Variants in ARHGEF7 observed in about 807,000 individuals in gnomAD.
ARHGEF7 encodes the protein Rho guanine nucleotide exchange factor 7.
In ARHGEF7, 33 loss-of-function variants were observed where a neutral mutation model predicts 109.8. The observed-to-expected ratio is 0.30, with a 90% CI of 0.23 to 0.40. The LOEUF (loss-of-function observed/expected upper bound fraction) is 0.40. Among genes scored for constraint, ARHGEF7 ranks in the 10% least tolerant of loss-of-function variants. The probability of loss-of-function intolerance (pLI) is 1.00; values close to 1 mark genes in which losing one functional copy is unlikely to be tolerated. For synonymous variants in ARHGEF7, 458 were observed against 424.6 expected, an observed-to-expected ratio of 1.08 and a Z score of -0.97; for missense variants, 938 against 1,098.5, an observed-to-expected ratio of 0.85 and a Z score of 2.07.
intron 6 of ARHGEF7, among the ~76,000 whole-genome samples, chr13:111,238,990 C>T (rs577245035): frequency 3.9e-5 from 6 of 152,214 alleles, no homozygotes; most frequent in South Asian, 2.1e-4. Flanking sequence ...ACAGTCATGG[C>T]GGAAGGCACC....
At chr13:111,161,513 C>G (rs1037816842) in intron 2 of ARHGEF7, among the ~76,000 whole-genome samples, 13 of 152,184 alleles carry the variant, frequency 8.5e-5, no homozygotes, top group African/African-American at 3.1e-4. Context: ...ACTCTTAGAA[C>G]AGTGCCTGGT....
At chr13:111,301,335 AGTT>A in intron 20 of ARHGEF7, 140 bp from the exon 21 acceptor site, 1 of 646,424 alleles carries the variant, frequency 1.5e-6, no homozygotes, top group Non-Finnish European at 2.7e-6. Context: ...GGCAGTTTTT[AGTT>A]GTGAATGTAG....
intron 2 of ARHGEF7, among the ~76,000 whole-genome samples, chr13:111,161,811 A>G (rs2076764781): frequency 1.3e-5 from 2 of 152,200 alleles, no homozygotes; most frequent in East Asian, 1.9e-4. Context: ...AGATACATGT[A>G]ATGTTTTATA....
intron 1 of ARHGEF7, among the ~76,000 whole-genome samples, chr13:111,152,990 C>A (rs2075975189): frequency 6.6e-6 from 1 of 152,194 alleles, no homozygotes; most frequent in South Asian, 2.1e-4. Flanking sequence ...TCCTCCACTG[C>A]GGTGGATCCA....
chr13:111,132,903 G>C (rs1430756311), intron 1 of ARHGEF7, among the ~76,000 whole-genome samples: 1 of 151,378 alleles, frequency 6.6e-6, no homozygotes, highest in Non-Finnish European at 1.5e-5. Flanking sequence ...AAGGGAGAAT[G>C]ATATACACAC....
intron 8 of ARHGEF7, among the ~76,000 whole-genome samples, chr13:111,245,189 T>C (rs1219307867): frequency 6.6e-6 from 1 of 152,134 alleles, no homozygotes; most frequent in East Asian, 1.9e-4. Flanking sequence ...ACTTCTCAGA[T>C]GTAATGGTTT....
chr13:111,264,350 T>A (rs80246003), intron 8 of ARHGEF7, among the ~76,000 whole-genome samples: 6,063 of 152,282 alleles, frequency 0.04, 376 homozygotes, highest in African/African-American at 0.13. Context: ...TTAATTTTTT[T>A]AAAAAATTTA....
chr13:111,126,408 T>G (rs2067562156), intron 1 of ARHGEF7, among the ~76,000 whole-genome samples: 1 of 150,898 alleles, frequency 6.6e-6, no homozygotes, highest in Admixed American at 6.6e-5. Flanking sequence ...GAGAATCACC[T>G]GAATCCGAGA....
chr13:111,257,375 A>G (rs1023601845), intron 8 of ARHGEF7, among the ~76,000 whole-genome samples: 5 of 152,266 alleles, frequency 3.3e-5, no homozygotes, highest in Non-Finnish European at 4.4e-5. Context: ...GTTGACTTGT[A>G]TATGATAGGA....
chr13:111,178,455 G>T (rs757810118), intron 2 of ARHGEF7, among the ~76,000 whole-genome samples: 17 of 152,232 alleles, frequency 1.1e-4, no homozygotes, highest in Non-Finnish European at 2.4e-4. Context: ...GTGGTCTTCA[G>T]TTCAGAGGTG....
chr13:111,139,140 G>C (rs974781195), intron 1 of ARHGEF7, among the ~76,000 whole-genome samples: 8 of 152,176 alleles, frequency 5.3e-5, no homozygotes, highest in African/African-American at 1.7e-4. Context: ...GGGCTCAAAG[G>C]TACAGTAGAG....
chr13:111,149,414 GGCTTAAT>G (rs1437006157), intron 1 of ARHGEF7, among the ~76,000 whole-genome samples: 4 of 152,102 alleles, frequency 2.6e-5, no homozygotes, highest in African/African-American at 9.7e-5. Flanking sequence ...AGATTCTTAT[GGCTTAAT>G]ACTCTTAAAT....
At chr13:111,260,249 G>A (rs76932141) in intron 8 of ARHGEF7, among the ~76,000 whole-genome samples, 3,264 of 152,276 alleles carry the variant, frequency 0.021, 120 homozygotes, top group African/African-American at 0.075. Context: ...CAATATTCAA[G>A]TACAAGAAGG....
intron 1 of ARHGEF7, among the ~76,000 whole-genome samples, chr13:111,127,237 A>G (rs772531321): frequency 4.6e-5 from 7 of 152,258 alleles, no homozygotes; most frequent in Non-Finnish European, 1.0e-4. Context: ...CCCTACATCT[A>G]TTACAGAAAT....
rs34563667 is a variant in ARHGEF7 at position 111,267,572 on chromosome 13, C to T, written c.975C>T (p.Val325=). 1.2e-4 allele frequency: 196 copies of T among 1,614,020 alleles called. No homozygotes were observed. The African/African-American group carries it at 1.5e-3, about 12-fold the overall frequency. ...CTKLPEAQQR[V]GGCFLNLMPQ... is the part of the protein sequence containing the mutation. ...GGTTGCCCGAAGCTCAGCAGAGAGT[C>T]GGAGGCTGCTTTTTAAACCTGATGC... Residue 325 remains valine (V), a synonymous_variant, in exon 9 of 22, where the codon GTC becomes GTT. Transcript: ENST00000646102.
At chr13:111,283,074 T>C (rs767489154) in intron 15 of ARHGEF7, 65 bp from the exon 16 acceptor site, 3 of 1,514,410 alleles carry the variant, frequency 2.0e-6, no homozygotes, top group African/African-American at 2.8e-5. Flanking sequence ...GCGTGATAAG[T>C]GCCCTTTCGC....
intron 19 of ARHGEF7, among the ~76,000 whole-genome samples, chr13:111,298,082 T>C: frequency 6.6e-6 from 1 of 152,372 alleles, no homozygotes; most frequent in African/African-American, 2.4e-5. Context: ...GGAAAATTAG[T>C]TGACTAAAAT....
rs1049212732 is a variant in ARHGEF7 at position 111,154,525 on chromosome 13, G to A, written c.252+534G>A. 1.3e-5 allele frequency among the ~76,000 whole-genome samples: 2 copies of A among 152,104 alleles called. 1 individual carries two copies. Among genetic ancestry groups the A allele is most frequent in the Admixed American group, 1.3e-4 (2 of 15,282 alleles). On this transcript the variant is annotated intron_variant, in intron 2 of 21. Coordinates refer to ENST00000646102, the MANE Select transcript of ARHGEF7 (RefSeq NM_001354046.2). ...TTCTTCCTGAGACCAGAAATTCGGT[G>A]GTTTTTCCGTACCCTCAACACTTAA...
At chr13:111,225,223 C>T (rs555832544) in intron 5 of ARHGEF7, among the ~76,000 whole-genome samples, 4 of 152,278 alleles carry the variant, frequency 2.6e-5, no homozygotes, top group African/African-American at 9.6e-5. Context: ...TGTTAGTCTT[C>T]CAGTATTAGA....
Sources: gnomAD v4.1 joint callset for allele counts (sites outside exome capture counted in the v4.1 genomes callset) on GRCh38, gnomAD v4.1.1 for gene constraint, MANE v1.5 for transcripts, NCBI Gene and HGNC (gene_info 2026-07-23, HGNC 2026-07-21) for gene names.